Variants in COX15 observed in about 807,000 individuals in gnomAD.
The protein encoded by COX15 is heme A synthase COX15.
Under a neutral mutation model 51.9 loss-of-function variants are expected in COX15, and 51 were observed. The observed-to-expected ratio is 0.98, with a 90% confidence interval of 0.78 to 1.24. The LOEUF (loss-of-function observed/expected upper bound fraction) is 1.24, where lower values mean the gene tolerates loss of function less well. Among genes scored for constraint, COX15 ranks in the 50% most tolerant of loss-of-function variants. The pLI, the probability that COX15 is intolerant of heterozygous loss-of-function variation, is 0.00. For synonymous variants in COX15, 188 were observed against 190.5 expected (o/e 0.99, Z 0.11); for missense variants, 420 against 501.1 (o/e 0.84, Z 1.55).
At chr10:99,698,507 G>A in the COX15 span, 1 of 1,604,244 alleles carries the variant, frequency 6.2e-7, no homozygotes, top group South Asian at 1.1e-5. Context: ...GTGTTTGTTT[G>A]TTTGTTTGTT....
downstream of COX15, chr10:99,708,668 G>T: frequency 6.9e-6 from 2 of 287,882 alleles, no homozygotes; most frequent in Non-Finnish European, 1.0e-5. Context: ...AACCCCTGAT[G>T]ATAAGGTTGG....
At chr10:99,702,754 T>A in the COX15 span, 2 of 1,372,586 alleles carry the variant, frequency 1.5e-6, no homozygotes, top group Non-Finnish European at 1.9e-6. Context: ...TTTCTTTTTT[T>A]TTTTAACCAG....
chr10:99,712,466 T>C lies in COX15; in HGVS notation c.*2121A>G. ...ACAGAAGATTTGCTGACTTAAACACTGCAAAATTAAACATTTATATCTGAA... is the reference window on the plus strand; with the variant it reads ...ACAGAAGATTTGCTGACTTAAACACCGCAAAATTAAACATTTATATCTGAA... On this transcript the variant is annotated 3_prime_UTR_variant, in exon 9 of 9. Transcript: ENST00000016171. The C allele has an allele frequency of 6.1e-6, 6 of 985,414 alleles. No individual in the cohort carries two copies. Among genetic ancestry groups the C allele is most frequent in the Non-Finnish European group, 7.2e-6 (6 of 829,902 alleles). The allele number at this position is 985,414 out of a possible 1,614,324, so 61.0% of individuals were successfully genotyped here.
At chr10:99,696,248 C>A in the COX15 span, 1 of 1,117,912 alleles carries the variant, frequency 8.9e-7, no homozygotes, top group Non-Finnish European at 1.3e-6. Context: ...CTACCCCTGC[C>A]AATGGGGTAG....
chr10:99,706,960 A>G (rs768875482), downstream of COX15, among the ~76,000 whole-genome samples: 1 of 152,202 alleles, frequency 6.6e-6, no homozygotes, highest in African/African-American at 2.4e-5. Context: ...TGGTTGGTCC[A>G]GTTTGAAAGC....
chr10:99,714,740 A>C (rs762522600), intron 8 of COX15, 22 bp from the exon 9 acceptor site: 6 of 1,611,956 alleles, frequency 3.7e-6, no homozygotes, highest in Non-Finnish European at 5.1e-6. Context: ...GAAAGAAGGC[A>C]ATAGGAAAGG....
rs112354052 is a variant in COX15, at chr10:99,714,330, G to A, written c.*257C>T. 139 of 1,267,570 alleles carry A rather than the reference G, an allele frequency of 1.1e-4. 1 individual carries two copies. In the Admixed American group the frequency reaches 4.4e-3, roughly 40 times the overall value. The allele number at this position is 1,267,570 out of a possible 1,614,324, so 78.5% of individuals were successfully genotyped here. A position where few individuals can be genotyped will look rare whatever the true frequency, so the allele number is the denominator to read the frequency against. On this transcript the variant is annotated 3_prime_UTR_variant, in exon 9 of 9. Transcript: ENST00000016171. ...ACACAAAGCCTGTTAAGCAGCAAAT[G>A]GCAGACATTTCTTTCTCTACATTAA...
the COX15 span, among the ~76,000 whole-genome samples, chr10:99,701,848 G>C: frequency 6.6e-6 from 1 of 151,550 alleles, no homozygotes; most frequent in Non-Finnish European, 1.5e-5. Flanking sequence ...AGGAGTTCAA[G>C]ACCAGCCTGG....
At chr10:99,698,859 G>A in the COX15 span, 2 of 1,587,186 alleles carry the variant, frequency 1.3e-6, no homozygotes, top group Non-Finnish European at 1.7e-6. Flanking sequence ...GGCTGCTCAG[G>A]TAAATTATTA....
intron 3 of COX15, 92 bp from the exon 4 acceptor site, chr10:99,727,246 C>A: frequency 6.7e-7 from 1 of 1,501,010 alleles, no homozygotes; most frequent in Non-Finnish European, 9.1e-7. Flanking sequence ...CTTTCTCAGT[C>A]CTGCAACTTG....
chr10:99,723,578 G>A (rs1358854031), intron 5 of COX15, among the ~76,000 whole-genome samples: 1 of 152,154 alleles, frequency 6.6e-6, no homozygotes, highest in Admixed American at 6.5e-5. Context: ...TGAAAAACTA[G>A]TACTTTGCTT....
chr10:99,711,573 T>C lies in COX15; in HGVS notation c.*3014A>G. 1 of 985,376 alleles carries C rather than the reference T, an allele frequency of 1.0e-6. No individual in the cohort carries two copies. Among genetic ancestry groups the C allele is most frequent in the Non-Finnish European group, 1.2e-6 (1 of 829,872 alleles). The allele number at this position is 985,376 out of a possible 1,614,324, so 61.0% of individuals were successfully genotyped here. ...ACTAGGCTATTAGGACCTAAGCCAG[T>C]GGTCCCTAGACTTGTCTGCACATTG... On this transcript the variant is annotated 3_prime_UTR_variant, in exon 9 of 9. Coordinates refer to ENST00000016171, the MANE Select transcript of COX15 (RefSeq NM_078470.6).
intron 7 of COX15, among the ~76,000 whole-genome samples, chr10:99,717,302 A>T (rs2036609284): frequency 6.6e-6 from 1 of 152,180 alleles, no homozygotes; most frequent in South Asian, 2.1e-4. Flanking sequence ...CATGCTGTAG[A>T]AGAAACTTTG....
chr10:99,722,894 T>A (rs2036821030), intron 5 of COX15: 1 of 152,096 alleles, frequency 6.6e-6, no homozygotes, highest in Admixed American at 6.6e-5. Context: ...TCAGGAGACT[T>A]TCAAATAATT....
intron 8 of COX15, among the ~76,000 whole-genome samples, chr10:99,715,007 T>C (rs982687159): frequency 6.6e-6 from 1 of 152,242 alleles, no homozygotes; most frequent in Non-Finnish European, 1.5e-5. Flanking sequence ...GAAATAAATA[T>C]ATAGTTTTGT....
At chr10:99,698,956 A>C in the COX15 span, 1 of 1,134,154 alleles carries the variant, frequency 8.8e-7, no homozygotes, top group Non-Finnish European at 1.2e-6. Context: ...TTGCATACAG[A>C]ATCTCACTTG....
In COX15 at chr10:99,727,071, C is replaced by T. The variant is rs1439266052; in HGVS notation, c.479G>A (p.Gly160Asp). ...YSHRMWGRLV[G>D]LVYILPAAYF... ...GGCAGCAGGCAGGATGTACACAAGG[C>T]CTACAAGGCGACCCCACATTCGGTG... Residue 160 changes from glycine (G) to aspartate (D), a missense_variant, in exon 4 of 9, where the codon GGC becomes GAC. Physicochemically the swap from Gly to Asp is moderately conservative, Grantham distance 94. Coordinates refer to ENST00000016171, the MANE Select transcript of COX15 (RefSeq NM_078470.6). 1 of 1,614,046 alleles carries T rather than the reference C, an allele frequency of 6.2e-7. No individual in the cohort carries two copies. Among genetic ancestry groups the T allele is most frequent in the Non-Finnish European group, 8.5e-7 (1 of 1,180,048 alleles).
chr10:99,709,750 C>A, downstream of COX15: 1 of 985,274 alleles, frequency 1.0e-6, no homozygotes, highest in South Asian at 4.7e-5. Flanking sequence ...ACTTATCTTC[C>A]TTATATCCTA....
downstream of COX15, among the ~76,000 whole-genome samples, chr10:99,707,433 C>T (rs185487987): frequency 1.2e-4 from 19 of 152,336 alleles, no homozygotes; most frequent in Non-Finnish European, 2.4e-4. Flanking sequence ...AAATATATTT[C>T]TTCCTTATAA....
Sources: allele counts gnomAD v4.1 joint callset (sites outside exome capture counted in the v4.1 genomes callset), GRCh38; gene constraint gnomAD v4.1.1; transcripts MANE v1.5; gene names NCBI Gene and HGNC (gene_info 2026-07-23, HGNC 2026-07-21).